Variants in LIPC observed in about 807,000 individuals in gnomAD.
LIPC encodes the protein hepatic triacylglycerol lipase.
LIPC carries 44 observed loss-of-function variants against 50.7 expected under a neutral mutation model. The observed-to-expected ratio is 0.87, with a 90% confidence interval of 0.68 to 1.11. The LOEUF (loss-of-function observed/expected upper bound fraction) is 1.11. LIPC is among the 50% of genes most tolerant of loss of function. LIPC has a pLI of 0.00. For synonymous variants in LIPC, 271 were observed against 256.4 expected (o/e 1.06, Z -0.54); for missense variants, 697 against 648.2 (o/e 1.08, Z -0.82).
At chr15:58,477,162 A>G (rs574161415) in intron 1 of LIPC, among the ~76,000 whole-genome samples, 2 of 152,352 alleles carry the variant, frequency 1.3e-5, no homozygotes, top group East Asian at 3.9e-4. Flanking sequence ...GGTTGTCTGT[A>G]TGTAGACTTT....
intron 1 of LIPC, among the ~76,000 whole-genome samples, chr15:58,512,983 T>G (rs57569727): frequency 7.9e-4 from 115 of 146,376 alleles, no homozygotes; most frequent in African/African-American, 2.8e-3. Flanking sequence ...AAAGTAAAAG[T>G]ACATAGAAAA....
intron 7 of LIPC, among the ~76,000 whole-genome samples, chr15:58,562,182 G>A (rs1327119607): frequency 1.3e-5 from 2 of 152,138 alleles, no homozygotes; most frequent in Non-Finnish European, 2.9e-5. Flanking sequence ...TGGCCATCCT[G>A]GTCAGACAGG....
At chr15:58,502,441 G>A (rs186032823) in intron 1 of LIPC, among the ~76,000 whole-genome samples, 21 of 151,822 alleles carry the variant, frequency 1.4e-4, no homozygotes, top group South Asian at 2.1e-4. Flanking sequence ...AGGTGGTGTC[G>A]CATCCCTACT....
intron 1 of LIPC, among the ~76,000 whole-genome samples, chr15:58,487,100 T>C (rs1408941059): frequency 6.6e-5 from 10 of 152,228 alleles, no homozygotes; most frequent in African/African-American, 2.4e-4. Context: ...AGAAAATGCC[T>C]TTATCTGGTA....
At chr15:58,525,081 G>A (rs1892762465) in intron 1 of LIPC, among the ~76,000 whole-genome samples, 1 of 152,018 alleles carries the variant, frequency 6.6e-6, no homozygotes, top group Admixed American at 6.6e-5. Flanking sequence ...GATCCATTTG[G>A]AGTTTTTCCT....
chr15:58,549,241 C>T (rs1257883847), intron 6 of LIPC, among the ~76,000 whole-genome samples: 1 of 152,194 alleles, frequency 6.6e-6, no homozygotes, highest in African/African-American at 2.4e-5. Context: ...GGGAACAAGC[C>T]GACATCTGTT....
At chr15:58,543,241 G>A (rs139094267) in intron 4 of LIPC, among the ~76,000 whole-genome samples, 397 of 152,078 alleles carry the variant, frequency 2.6e-3, no homozygotes, top group Non-Finnish European at 4.5e-3. Flanking sequence ...CCTTCACACT[G>A]CCAGGCATTG....
chr15:58,514,815 C>T (rs1388224746), intron 1 of LIPC, among the ~76,000 whole-genome samples: 3 of 152,206 alleles, frequency 2.0e-5, no homozygotes, highest in Non-Finnish European at 4.4e-5. Context: ...CAGAGTGACA[C>T]TCCATCTCAA....
At chr15:58,445,907 TACTC>T (rs1208772635) in intron 1 of LIPC, among the ~76,000 whole-genome samples, 1 of 152,248 alleles carries the variant, frequency 6.6e-6, no homozygotes, top group Admixed American at 6.5e-5. Flanking sequence ...AGTCATATAA[TACTC>T]ACCCGATTCA....
At chr15:58,504,216 G>C (rs1305587989) in intron 1 of LIPC, among the ~76,000 whole-genome samples, 1 of 152,166 alleles carries the variant, frequency 6.6e-6, no homozygotes, top group Non-Finnish European at 1.5e-5. Context: ...TCCTCTTGAT[G>C]GTGGGGTCAT....
At chr15:58,566,665 G>A (rs1290525952) in intron 8 of LIPC, among the ~76,000 whole-genome samples, 1 of 152,128 alleles carries the variant, frequency 6.6e-6, no homozygotes, top group South Asian at 2.1e-4. Flanking sequence ...ACAAAATCAG[G>A]GATGAGTAGG....
intron 2 of LIPC, 132 bp downstream of exon 2, chr15:58,538,649 T>C (rs1318638852): frequency 2.2e-6 from 2 of 897,204 alleles, no homozygotes; most frequent in Non-Finnish European, 3.6e-6. Context: ...TGAAGCACGT[T>C]CTAATTTTCC....
rs139784245 is a variant in LIPC, at chr15:58,548,373, C to T, written c.852C>T (p.His284=). 2.6e-5 allele frequency: 42 copies of T among 1,614,188 alleles called. 1 individual carries two copies. The Admixed American group carries it at 4.0e-4, about 15-fold the overall frequency. The change falls in exon 6 of 9, where the codon CAC becomes CAT. Residue 284 remains histidine (H), a synonymous_variant. Coordinates refer to ENST00000299022, the MANE Select transcript of LIPC (RefSeq NM_000236.3). ...TIKCSHERSV[H]LFIDSLLHAG... ...AATGCTCCCACGAGCGATCGGTGCA[C>T]CTTTTCATCGACTCCTTGCTGCACG...
At chr15:58,521,133 G>A (rs186269527) in intron 1 of LIPC, among the ~76,000 whole-genome samples, 67 of 152,282 alleles carry the variant, frequency 4.4e-4, no homozygotes, top group African/African-American at 1.6e-3. Flanking sequence ...AGGGGACTGT[G>A]GGTGTGAGAA....
At chr15:58,436,140 T>G in intron 1 of LIPC, 1 of 152,812 alleles carries the variant, frequency 6.5e-6, no homozygotes, top group East Asian at 1.9e-4. Flanking sequence ...ATGCACAGAC[T>G]CAGGGGCGTG....
chr15:58,542,482 G>A lies in LIPC; in HGVS notation c.457-52G>A, dbSNP rs1893363961. On this transcript the variant is annotated intron_variant, in intron 3 of 8. Coordinates refer to ENST00000299022, the MANE Select transcript of LIPC (RefSeq NM_000236.3). ...GCCACAACACACTGGACCGCAAAAGGCTTTCATCCAGGCAGCTCTTCTCCT... is the reference window on the plus strand; with the variant it reads ...GCCACAACACACTGGACCGCAAAAGACTTTCATCCAGGCAGCTCTTCTCCT... 2.1e-5 allele frequency: 26 copies of A among 1,215,634 alleles called. No individual in the cohort carries two copies. In the South Asian group the frequency reaches 3.1e-4, roughly 15 times the overall value. The allele number at this position is 1,215,634 out of a possible 1,614,324, so 75.3% of individuals were successfully genotyped here.
In LIPC at chr15:58,569,189, C is replaced by T. The variant is rs1894480388; in HGVS notation, c.*362C>T. 2 of 167,146 alleles carry T rather than the reference C, an allele frequency of 1.2e-5. No homozygotes were observed. Among genetic ancestry groups the T allele is most frequent in the South Asian group, 1.7e-4 (1 of 5,924 alleles). 10.4% of individuals were successfully genotyped at this position (167,146 alleles called of 1,614,324 possible). A position where few individuals can be genotyped will look rare whatever the true frequency, so the allele number is the denominator to read the frequency against. ...TATTATGACCCATTTTTGAACCATG[C>T]TAGAAAGATACTTTTTTATTAGGTA... On this transcript the variant is annotated 3_prime_UTR_variant, in exon 9 of 9. Transcript: ENST00000299022.
chr15:58,463,201 T>C (rs1894418561), intron 1 of LIPC, among the ~76,000 whole-genome samples: 2 of 152,208 alleles, frequency 1.3e-5, no homozygotes, highest in Admixed American at 6.5e-5. Context: ...TCTGTTCTCA[T>C]CTTCCATGGA....
At chr15:58,503,739 G>A (rs1468761191) in intron 1 of LIPC, among the ~76,000 whole-genome samples, 1 of 152,196 alleles carries the variant, frequency 6.6e-6, no homozygotes, top group African/African-American at 2.4e-5. Flanking sequence ...CCCTGCACCT[G>A]CCAGAGACAG....
Sources: allele counts gnomAD v4.1 joint callset (sites outside exome capture counted in the v4.1 genomes callset), GRCh38; gene constraint gnomAD v4.1.1; transcripts MANE v1.5; gene names NCBI Gene and HGNC (gene_info 2026-07-23, HGNC 2026-07-21).